Variants in SLC35D4 observed in about 807,000 individuals in gnomAD.
The protein encoded by SLC35D4 is UDP-N-acetylglucosamine transporter SLC35D4.
chr18:23,383,795 A>C, the SLC35D4 span, among the ~76,000 whole-genome samples: 2 of 151,780 alleles, frequency 1.3e-5, no homozygotes. Flanking sequence ...AGGCATGTTT[A>C]TGGGCCCAGG....
At chr18:23,309,338 T>TAC in the SLC35D4 span, among the ~76,000 whole-genome samples, 77 of 152,186 alleles carry the variant, frequency 5.1e-4, no homozygotes, top group African/African-American at 1.7e-3. Context: ...TACATATATA[T>TAC]ACACATAGTG....
the SLC35D4 span, among the ~76,000 whole-genome samples, chr18:23,251,907 G>A: frequency 1.3e-5 from 2 of 152,120 alleles, no homozygotes; most frequent in Non-Finnish European, 2.9e-5. Flanking sequence ...CCAACATGGT[G>A]AAACTCAGTC....
At chr18:23,345,461 G>A in the SLC35D4 span, among the ~76,000 whole-genome samples, 4 of 114,980 alleles carry the variant, frequency 3.5e-5, no homozygotes, top group African/African-American at 6.7e-5. Flanking sequence ...CAGCCTGGGC[G>A]ACAGAGGGAG....
At chr18:23,425,691 C>T in the SLC35D4 span, among the ~76,000 whole-genome samples, 1 of 152,188 alleles carries the variant, frequency 6.6e-6, no homozygotes, top group Non-Finnish European at 1.5e-5. Context: ...ATGGTTTCTA[C>T]TGAAAGCATA....
the SLC35D4 span, among the ~76,000 whole-genome samples, chr18:23,353,785 C>T: frequency 6.6e-6 from 1 of 152,172 alleles, no homozygotes; most frequent in Non-Finnish European, 1.5e-5. Context: ...ATTTCTATTC[C>T]TCACTGTGCT....
chr18:23,295,398 A>C, the SLC35D4 span, among the ~76,000 whole-genome samples: 1 of 152,098 alleles, frequency 6.6e-6, no homozygotes, highest in Non-Finnish European at 1.5e-5. Context: ...GAGACTCTTC[A>C]AAGTGAGAAG....
At chr18:23,435,781 C>T in the SLC35D4 span, among the ~76,000 whole-genome samples, 33 of 152,208 alleles carry the variant, frequency 2.2e-4, no homozygotes, top group Admixed American at 2.2e-3. Flanking sequence ...CTGCAACCTC[C>T]GCCTCCCTGG....
the SLC35D4 span, among the ~76,000 whole-genome samples, chr18:23,375,692 G>C: frequency 6.6e-6 from 1 of 152,330 alleles, no homozygotes; most frequent in African/African-American, 2.4e-5. Context: ...CTGAAGCTGG[G>C]AACTGGGTAC....
At chr18:23,286,071 A>T in the SLC35D4 span, among the ~76,000 whole-genome samples, 1 of 152,178 alleles carries the variant, frequency 6.6e-6, no homozygotes. Flanking sequence ...ATCTGCTCTC[A>T]ACATTAAATA....
chr18:23,322,215 TC>T, the SLC35D4 span, among the ~76,000 whole-genome samples: 5 of 152,196 alleles, frequency 3.3e-5, no homozygotes. Flanking sequence ...TGACTCTCCA[TC>T]TCCACGTGTT....
chr18:23,365,626 G>C, the SLC35D4 span: 1 of 1,613,366 alleles, frequency 6.2e-7, no homozygotes, highest in Non-Finnish European at 8.5e-7. Flanking sequence ...CACTCCGGGG[G>C]CATTTACCTG....
chr18:23,402,341 T>C, the SLC35D4 span, among the ~76,000 whole-genome samples: 1 of 152,210 alleles, frequency 6.6e-6, no homozygotes, highest in Admixed American at 6.5e-5. Context: ...CATTCTACTT[T>C]AACCATGTAT....
the SLC35D4 span, among the ~76,000 whole-genome samples, chr18:23,354,359 A>AG: frequency 1.3e-5 from 2 of 150,208 alleles, no homozygotes; most frequent in African/African-American, 2.5e-5. Flanking sequence ...AAAAAAAAAA[A>AG]AAAAAAAGAA....
chr18:23,280,756 A>G, the SLC35D4 span, among the ~76,000 whole-genome samples: 1 of 152,216 alleles, frequency 6.6e-6, no homozygotes, highest in Non-Finnish European at 1.5e-5. Flanking sequence ...AACAGACTGT[A>G]CTAAAGGCCT....
chr18:23,393,417 C>T, the SLC35D4 span, among the ~76,000 whole-genome samples: 1 of 152,058 alleles, frequency 6.6e-6, no homozygotes, highest in African/African-American at 2.4e-5. Flanking sequence ...TTCATTCTCC[C>T]CTACTCCCAC....
the SLC35D4 span, chr18:23,385,070 G>T: frequency 6.2e-7 from 1 of 1,609,956 alleles, no homozygotes; most frequent in Non-Finnish European, 8.5e-7. Flanking sequence ...GGAATGGCCT[G>T]AAAGAAAACA....
chr18:23,299,328 C>T, the SLC35D4 span, among the ~76,000 whole-genome samples: 3 of 152,106 alleles, frequency 2.0e-5, no homozygotes, highest in Non-Finnish European at 2.9e-5. Flanking sequence ...ATTTTCCAGC[C>T]GACTGCCCTC....
the SLC35D4 span, among the ~76,000 whole-genome samples, chr18:23,359,955 G>A: frequency 6.6e-6 from 1 of 152,198 alleles, no homozygotes; most frequent in Admixed American, 6.5e-5. Flanking sequence ...ACTCTGTGGT[G>A]GGGCCCATGC....
chr18:23,338,144 A>G, the SLC35D4 span, among the ~76,000 whole-genome samples: 1 of 152,236 alleles, frequency 6.6e-6, no homozygotes, highest in African/African-American at 2.4e-5. Context: ...TTTCACATGC[A>G]GAGCAAATGT....
Sources: gnomAD v4.1 joint callset for allele counts (sites outside exome capture counted in the v4.1 genomes callset) on GRCh38, gnomAD v4.1.1 for gene constraint, MANE v1.5 for transcripts, NCBI Gene and HGNC (gene_info 2026-07-23, HGNC 2026-07-21) for gene names.